Variants in TNFSF4 observed in about 807,000 individuals in gnomAD.
The protein encoded by TNFSF4 is tumor necrosis factor ligand superfamily member 4.
TNFSF4 carries 4 observed loss-of-function variants against 7.3 expected under a neutral mutation model. The ratio of observed to expected loss-of-function variants is 0.55; its 90% confidence interval spans 0.27 to 1.25. TNFSF4 has a LOEUF of 1.25. Ranked by LOEUF, TNFSF4 falls within the 50% of genes most tolerant of loss-of-function variation. The probability of loss-of-function intolerance (pLI) is 0.12; values close to 1 mark genes in which losing one functional copy is unlikely to be tolerated. For missense variants in TNFSF4, 181 were observed against 208.8 expected (o/e 0.87, Z 0.82); for synonymous variants, 76 against 83.7 (o/e 0.91, Z 0.50).
At chr1:173,250,804 T>C in the TNFSF4 span, among the ~76,000 whole-genome samples, 10 of 152,100 alleles carry the variant, frequency 6.6e-5, no homozygotes, top group African/African-American at 2.4e-4. Context: ...TTTTGGAGGA[T>C]TGAAGGGAGA....
chr1:173,180,832 T>A (rs148141204), downstream of TNFSF4, among the ~76,000 whole-genome samples: 2 of 152,172 alleles, frequency 1.3e-5, no homozygotes, highest in Admixed American at 1.3e-4. Flanking sequence ...AGGGATACGA[T>A]GAACAATAGA....
the TNFSF4 span, among the ~76,000 whole-genome samples, chr1:173,442,545 G>GTTTTTTTTTTTTTTTTTTT: frequency 2.1e-5 from 2 of 93,448 alleles, no homozygotes; most frequent in East Asian, 3.6e-4. Context: ...TTTCGTTTTT[G>GTTTTTTTTTTTTTTTTTTT]TTTTTGTTTT....
At chr1:173,439,154 C>T in the TNFSF4 span, among the ~76,000 whole-genome samples, 1 of 152,184 alleles carries the variant, frequency 6.6e-6, no homozygotes, top group African/African-American at 2.4e-5. Flanking sequence ...TGTATCCCAG[C>T]TGAGCATATC....
At chr1:173,384,555 A>G in the TNFSF4 span, among the ~76,000 whole-genome samples, 1 of 152,054 alleles carries the variant, frequency 6.6e-6, no homozygotes, top group East Asian at 1.9e-4. Context: ...TCTCTTCATG[A>G]CCCTGACCCC....
the TNFSF4 span, among the ~76,000 whole-genome samples, chr1:173,273,420 G>A: frequency 5.3e-5 from 8 of 152,002 alleles, no homozygotes; most frequent in African/African-American, 1.7e-4. Flanking sequence ...GTTTATTGTG[G>A]TGCAAAAAAT....
At chr1:173,423,128 C>A in the TNFSF4 span, among the ~76,000 whole-genome samples, 1 of 152,138 alleles carries the variant, frequency 6.6e-6, no homozygotes, top group Non-Finnish European at 1.5e-5. Context: ...ATTAATATCA[C>A]TTGCAAATAA....
At chr1:173,261,919 C>T in the TNFSF4 span, among the ~76,000 whole-genome samples, 1 of 152,068 alleles carries the variant, frequency 6.6e-6, no homozygotes, top group African/African-American at 2.4e-5. Flanking sequence ...GGAGCTGGTA[C>T]CATTTCTTCT....
the TNFSF4 span, among the ~76,000 whole-genome samples, chr1:173,346,279 C>T: frequency 1.3e-5 from 2 of 152,152 alleles, no homozygotes; most frequent in African/African-American, 4.8e-5. Context: ...GTCTTCAGAT[C>T]AGAGCGAGTT....
At chr1:173,361,814 A>G in the TNFSF4 span, among the ~76,000 whole-genome samples, 2 of 152,194 alleles carry the variant, frequency 1.3e-5, no homozygotes, top group Admixed American at 6.5e-5. Context: ...AAGCACATAT[A>G]ATTTCAGGAG....
At chr1:173,181,271 G>A (rs1344638393), downstream of TNFSF4, among the ~76,000 whole-genome samples, 2 of 152,044 alleles carry the variant, frequency 1.3e-5, no homozygotes, top group Non-Finnish European at 2.9e-5. Context: ...AATTACTTTT[G>A]TATTTTGTTG....
the TNFSF4 span, among the ~76,000 whole-genome samples, chr1:173,294,177 A>G: frequency 6.6e-6 from 1 of 152,136 alleles, no homozygotes; most frequent in Non-Finnish European, 1.5e-5. Context: ...GGGACCATTC[A>G]TAACAGCAGA....
the TNFSF4 span, among the ~76,000 whole-genome samples, chr1:173,295,578 C>T: frequency 1.3e-5 from 2 of 151,914 alleles, no homozygotes; most frequent in Non-Finnish European, 2.9e-5. Context: ...GTAAGCAGAA[C>T]CAATTGAGAT....
At chr1:173,308,632 A>G in the TNFSF4 span, among the ~76,000 whole-genome samples, 1 of 151,926 alleles carries the variant, frequency 6.6e-6, no homozygotes, top group African/African-American at 2.4e-5. Flanking sequence ...AAACAACAAT[A>G]ATAATTTTTT....
At chr1:173,234,531 A>T in the TNFSF4 span, among the ~76,000 whole-genome samples, 1 of 152,176 alleles carries the variant, frequency 6.6e-6, no homozygotes, top group African/African-American at 2.4e-5. Flanking sequence ...AATAGCAAAG[A>T]CTTGGAACCA....
At chr1:173,258,340 G>A in the TNFSF4 span, among the ~76,000 whole-genome samples, 1 of 152,060 alleles carries the variant, frequency 6.6e-6, no homozygotes, top group East Asian at 1.9e-4. Context: ...GCAAGGAAAA[G>A]CAGGGTGGAA....
chr1:173,219,781 G>C, the TNFSF4 span, among the ~76,000 whole-genome samples: 2 of 152,114 alleles, frequency 1.3e-5, no homozygotes, highest in Non-Finnish European at 2.9e-5. Flanking sequence ...ATTATTATAA[G>C]TGAACTAACC....
the TNFSF4 span, among the ~76,000 whole-genome samples, chr1:173,414,914 T>C: frequency 2.6e-5 from 4 of 152,226 alleles, no homozygotes; most frequent in Non-Finnish European, 5.9e-5. Flanking sequence ...TCTTCTCAAC[T>C]AGGCCTTGCC....
At chr1:173,327,408 A>C in the TNFSF4 span, among the ~76,000 whole-genome samples, 1 of 151,940 alleles carries the variant, frequency 6.6e-6, no homozygotes, top group Admixed American at 6.6e-5. Context: ...CCCTAGAAGA[A>C]AACCTAGGCA....
At chr1:173,422,887 G>A in the TNFSF4 span, among the ~76,000 whole-genome samples, 8 of 152,262 alleles carry the variant, frequency 5.3e-5, no homozygotes, top group East Asian at 1.5e-3. Flanking sequence ...CCAGATGAGA[G>A]AGTTGATGTC....
Sources: allele counts gnomAD v4.1 joint callset (sites outside exome capture counted in the v4.1 genomes callset), GRCh38; gene constraint gnomAD v4.1.1; transcripts MANE v1.5; gene names NCBI Gene and HGNC (gene_info 2026-07-23, HGNC 2026-07-21).